The following KSR1 variants were observed in gnomAD, a reference collection of about 807,000 sequenced individuals.
KSR1 encodes kinase suppressor of ras.
KSR1 carries 35 observed loss-of-function variants against 92.9 expected under a neutral mutation model. That is an observed-to-expected ratio of 0.38 (90% confidence interval 0.29 to 0.50). KSR1 has a LOEUF of 0.50. Ranked by LOEUF, KSR1 falls within the 20% of genes least tolerant of loss-of-function variation. The pLI, the probability that KSR1 is intolerant of heterozygous loss-of-function variation, is 0.94. For missense variants in KSR1, 972 were observed against 1,158.5 expected (o/e 0.84, Z 2.34); for synonymous variants, 467 against 472.6 (o/e 0.99, Z 0.15).
intron 1 of KSR1, among the ~76,000 whole-genome samples, chr17:27,495,248 C>A (rs2068947128): frequency 1.3e-5 from 2 of 152,208 alleles, no homozygotes; most frequent in South Asian, 4.1e-4. Flanking sequence ...CTCTCCTCCT[C>A]CCCTGAGCCC....
At chr17:27,569,896 G>C (rs2072239101) in intron 2 of KSR1, among the ~76,000 whole-genome samples, 2 of 152,236 alleles carry the variant, frequency 1.3e-5, no homozygotes, top group African/African-American at 2.4e-5. Flanking sequence ...CACGCTGATA[G>C]GGAGAGCAAG....
At chr17:27,498,159 G>A (rs553140041) in intron 1 of KSR1, among the ~76,000 whole-genome samples, 4 of 151,906 alleles carry the variant, frequency 2.6e-5, no homozygotes, top group African/African-American at 7.2e-5. Context: ...GTGAAACCCC[G>A]TCTCTACTGA....
intron 5 of KSR1, chr17:27,587,472 G>A (rs1430063067): frequency 2.0e-5 from 3 of 152,246 alleles, no homozygotes; most frequent in Non-Finnish European, 4.4e-5. Flanking sequence ...TTCTGACTCA[G>A]AGGACATGAG....
intron 1 of KSR1, among the ~76,000 whole-genome samples, chr17:27,540,042 A>G (rs1044030911): frequency 6.6e-6 from 1 of 152,184 alleles, no homozygotes; most frequent in Non-Finnish European, 1.5e-5. Context: ...CAAGCTTTGC[A>G]TTTCCCAGGA....
chr17:27,538,781 A>G (rs1271444002), intron 1 of KSR1, among the ~76,000 whole-genome samples: 1 of 152,122 alleles, frequency 6.6e-6, no homozygotes, highest in Non-Finnish European at 1.5e-5. Context: ...GGCGCCCCTC[A>G]TCCTTCTGGG....
chr17:27,546,726 TG>T (rs1208752700), intron 1 of KSR1, among the ~76,000 whole-genome samples: 1 of 152,128 alleles, frequency 6.6e-6, no homozygotes, highest in African/African-American at 2.4e-5. Flanking sequence ...AATTTGCCTC[TG>T]GTCTCACTGG....
chr17:27,473,512 ATCC>A (rs1474205725), intron 1 of KSR1, among the ~76,000 whole-genome samples: 1 of 152,190 alleles, frequency 6.6e-6, no homozygotes, highest in Non-Finnish European at 1.5e-5. Context: ...GGAGAGGGGC[ATCC>A]TTGTGAGGAG....
At chr17:27,551,497 A>G (rs1180193810) in intron 2 of KSR1, among the ~76,000 whole-genome samples, 1 of 152,158 alleles carries the variant, frequency 6.6e-6, no homozygotes, top group Non-Finnish European at 1.5e-5. Flanking sequence ...CTTTGGAAAC[A>G]GAGAAGGAAA....
Position 27,610,773 on chromosome 17 carries a change from C to G in KSR1, c.2357+575C>G, listed in dbSNP as rs1487325981. ...CCAAAATATTATTTCAACATGTAAT[C>G]AATATACAAATTAATAAGATATTTT... On this transcript the variant is annotated intron_variant, in intron 17 of 20. Coordinates refer to ENST00000644974, the MANE Select transcript of KSR1 (RefSeq NM_001394583.1). 2.6e-5 allele frequency among the ~76,000 whole-genome samples: 4 copies of G among 152,178 alleles called. No individual in the cohort carries two copies. The East Asian group carries it at 7.7e-4, about 29-fold the overall frequency.
At chr17:27,550,240 A>G (rs968667238) in intron 1 of KSR1, among the ~76,000 whole-genome samples, 1 of 152,186 alleles carries the variant, frequency 6.6e-6, no homozygotes, top group African/African-American at 2.4e-5. Flanking sequence ...GGGTTTTGCC[A>G]TGTTGGCCAG....
intron 2 of KSR1, among the ~76,000 whole-genome samples, chr17:27,568,086 C>T (rs945084552): frequency 1.3e-5 from 2 of 152,218 alleles, no homozygotes; most frequent in Admixed American, 1.3e-4. Context: ...CCTGTTACTG[C>T]TGTGGGGCAG....
intron 17 of KSR1, among the ~76,000 whole-genome samples, chr17:27,610,585 C>T (rs2073887686): frequency 6.6e-6 from 1 of 152,170 alleles, no homozygotes; most frequent in South Asian, 2.1e-4. Flanking sequence ...GGCTCTGCTA[C>T]CCCACAAAGA....
intron 1 of KSR1, among the ~76,000 whole-genome samples, chr17:27,511,785 T>TCTCAC (rs1022866937): frequency 2.0e-5 from 3 of 152,338 alleles, no homozygotes; most frequent in African/African-American, 7.2e-5. Flanking sequence ...CTGCATCCCG[T>TCTCAC]CTCACCGGCG....
intron 1 of KSR1, among the ~76,000 whole-genome samples, chr17:27,524,862 G>A (rs915544211): frequency 3.3e-5 from 5 of 152,202 alleles, no homozygotes; most frequent in African/African-American, 1.2e-4. Context: ...TGGAGTGGCA[G>A]TGGTGGTGTG....
In KSR1 at chr17:27,459,352, C is replaced by A. The variant is rs185220649; in HGVS notation, c.231+2478C>A. On this transcript the variant is annotated intron_variant, in intron 1 of 20. Coordinates refer to ENST00000644974, the MANE Select transcript of KSR1 (RefSeq NM_001394583.1). The surrounding 1 kb of genome is among the most constrained non-coding windows in gnomAD (Gnocchi z 4.6). ...AGGGAAACTTAACCCCTACTGGACC[C>A]TTGCTAGGGAAACTTAACCCCCTAC... 1.4e-3 allele frequency among the ~76,000 whole-genome samples: 214 copies of A among 152,338 alleles called. No individual in the cohort carries two copies. The highest frequency in any genetic ancestry group is 3.4e-3 in the Middle Eastern group (1 of 294).
chr17:27,529,898 C>A (rs1349285775), intron 1 of KSR1, among the ~76,000 whole-genome samples: 1 of 152,172 alleles, frequency 6.6e-6, no homozygotes, highest in African/African-American at 2.4e-5. Context: ...AACTTGATAT[C>A]TTTGGCCCCC....
At chr17:27,582,619 T>C in intron 3 of KSR1, 27 bp from the exon 4 acceptor site, 1 of 1,579,204 alleles carries the variant, frequency 6.3e-7, no homozygotes, top group Admixed American at 1.7e-5. Context: ...GCCCTGACCA[T>C]CTGTGACTCC....
At chr17:27,467,954 G>T (rs988295008) in intron 1 of KSR1, among the ~76,000 whole-genome samples, 5 of 151,896 alleles carry the variant, frequency 3.3e-5, no homozygotes, top group Non-Finnish European at 5.9e-5. Context: ...TGGGACTACA[G>T]GTGCCTGCCA....
chr17:27,572,805 G>A (rs1328187120), intron 2 of KSR1, among the ~76,000 whole-genome samples: 3 of 152,220 alleles, frequency 2.0e-5, no homozygotes, highest in African/African-American at 7.2e-5. Flanking sequence ...CCATGTGTGA[G>A]GTTTCGGGGG....
Sources: allele counts gnomAD v4.1 joint callset (sites outside exome capture counted in the v4.1 genomes callset), GRCh38; gene constraint gnomAD v4.1.1; non-coding constraint Gnocchi (gnomAD v3.1); transcripts MANE v1.5; gene names NCBI Gene and HGNC (gene_info 2026-07-23, HGNC 2026-07-21).